The following LIMK2 variants were observed in gnomAD, a reference collection of about 807,000 sequenced individuals.
LIMK2 encodes the protein LIM domain kinase 2.
A neutral mutation model predicts 75.7 loss-of-function variants in LIMK2; 35 were observed. The observed-to-expected ratio is 0.46, with a 90% CI of 0.35 to 0.61. The LOEUF (loss-of-function observed/expected upper bound fraction) is 0.61. Among genes scored for constraint, LIMK2 ranks in the 20% least tolerant of loss-of-function variants. The pLI is 0.00. For synonymous variants in LIMK2, 301 were observed against 319.2 expected (o/e 0.94, Z 0.61); for missense variants, 623 against 831.0 (o/e 0.75, Z 3.08).
Position 31,250,512 on chromosome 22 carries a change from C to G in LIMK2, c.117-7779C>G, listed in dbSNP as rs190598049. On this transcript the variant is annotated intron_variant, in intron 2 of 15. Transcript: ENST00000331728. Reference sequence around the variant, plus strand: ...TCTGGAGAACCTGATCTTCTTGCCCCTACCCCCAAGCTCCGTTTGCCCAGC... The same window carrying G: ...TCTGGAGAACCTGATCTTCTTGCCCGTACCCCCAAGCTCCGTTTGCCCAGC... Among the ~76,000 whole-genome samples, 477 of 152,322 alleles carry G rather than the reference C, an allele frequency of 3.1e-3. 3 individuals are homozygous for G. Among genetic ancestry groups the G allele is most frequent in the Non-Finnish European group, 5.2e-3 (357 of 68,030 alleles).
intron 5 of LIMK2, 72 bp downstream of exon 5, chr22:31,260,149 C>T (rs2048824627): frequency 3.4e-5 from 43 of 1,256,640 alleles, no homozygotes; most frequent in Non-Finnish European, 4.3e-5. Flanking sequence ...AGGGCTTAGA[C>T]CTCCAAAGTC....
chr22:31,241,081 G>A (rs1472905947), intron 2 of LIMK2, among the ~76,000 whole-genome samples: 5 of 152,148 alleles, frequency 3.3e-5, no homozygotes, highest in Admixed American at 6.6e-5. Context: ...CAGAAACACT[G>A]GGGCTTGTTT....
chr22:31,278,167 A>G, intron 15 of LIMK2, 130 bp from the exon 16 acceptor site: 1 of 715,890 alleles, frequency 1.4e-6, no homozygotes, highest in Non-Finnish European at 2.4e-6. Flanking sequence ...TTTCTCACAG[A>G]GGCACTACTA....
rs2048768532 is a variant in LIMK2, at chr22:31,255,433, G to A, written c.117-2858G>A. Among the ~76,000 whole-genome samples the A allele has an allele frequency of 2.0e-5, 3 of 152,154 alleles. No individual in the cohort carries two copies. In the South Asian group the frequency reaches 6.2e-4, roughly 32 times the overall value. ...CTGAAGTTCCCCTTCCATAAGACAA[G>A]TAGGAAAAGCTATAGGGTAAAAATA... On this transcript the variant is annotated intron_variant, in intron 2 of 15. Transcript: ENST00000331728.
intron 1 of LIMK2, among the ~76,000 whole-genome samples, chr22:31,218,013 C>G (rs1459953646): frequency 1.3e-5 from 2 of 152,160 alleles, no homozygotes; most frequent in East Asian, 3.9e-4. Context: ...ACCTTCCCTT[C>G]AGATTTTAGA....
At chr22:31,273,534 C>CG in intron 14 of LIMK2, 27 bp downstream of exon 14, 10 of 1,604,960 alleles carry the variant, frequency 6.2e-6, no homozygotes, top group Non-Finnish European at 7.7e-6. Flanking sequence ...AGGCCATGCC[C>CG]GAGGCAGCAG....
At chr22:31,236,733 G>T (rs1185703980) in intron 2 of LIMK2, among the ~76,000 whole-genome samples, 1 of 150,972 alleles carries the variant, frequency 6.6e-6, no homozygotes, top group East Asian at 1.9e-4. Context: ...GGCCAACATG[G>T]TGAAACCCCA....
intron 7 of LIMK2, among the ~76,000 whole-genome samples, chr22:31,263,718 C>T (rs1328269942): frequency 6.6e-6 from 1 of 152,104 alleles, no homozygotes; most frequent in East Asian, 1.9e-4. Flanking sequence ...ATTAGATGGG[C>T]AGGGCACTGT....
At chr22:31,214,363 A>G (rs1468939007) in intron 1 of LIMK2, among the ~76,000 whole-genome samples, 1 of 152,208 alleles carries the variant, frequency 6.6e-6, no homozygotes, top group Non-Finnish European at 1.5e-5. Context: ...TAATAATCCT[A>G]GAGATGGACA....
intron 2 of LIMK2, among the ~76,000 whole-genome samples, chr22:31,254,826 G>A (rs1568994416): frequency 6.6e-6 from 1 of 152,154 alleles, no homozygotes; most frequent in Non-Finnish European, 1.5e-5. Context: ...GGGTGTGGTG[G>A]CATGCGCCAG....
At chr22:31,269,071 T>TC (rs1337493519) in intron 11 of LIMK2, among the ~76,000 whole-genome samples, 1 of 151,970 alleles carries the variant, frequency 6.6e-6, no homozygotes, top group East Asian at 1.9e-4. Flanking sequence ...TGTTTTTTTT[T>TC]CCTGTTTCTG....
At chr22:31,235,812 G>T (rs2048568785) in intron 2 of LIMK2, among the ~76,000 whole-genome samples, 1 of 152,158 alleles carries the variant, frequency 6.6e-6, no homozygotes, top group Non-Finnish European at 1.5e-5. Flanking sequence ...CCCCCAAGAA[G>T]TTGGAAATGA....
At chr22:31,277,137 G>C in intron 15 of LIMK2, 1 of 1,613,734 alleles carries the variant, frequency 6.2e-7, no homozygotes, top group Non-Finnish European at 8.5e-7. Context: ...CCCAGAAGAA[G>C]TGAGGGTCCC....
rs2048366470 is a variant in LIMK2 at position 31,213,629 on chromosome 22, G to A, written c.16+1205G>A. Reference sequence around the variant, plus strand: ...CCTAAAACAAATTTTTTTAGGCTGGGCGTGGTGGCTCATGCCTGTAATCCC... The same window carrying A: ...CCTAAAACAAATTTTTTTAGGCTGGACGTGGTGGCTCATGCCTGTAATCCC... On this transcript the variant is annotated intron_variant, in intron 1 of 15. Transcript: ENST00000331728. 3.3e-5 allele frequency among the ~76,000 whole-genome samples: 5 copies of A among 152,258 alleles called. No individual in the cohort carries two copies. In the South Asian group the frequency reaches 8.3e-4, roughly 25 times the overall value.
At chr22:31,215,893 T>A (rs2048385536) in intron 1 of LIMK2, among the ~76,000 whole-genome samples, 1 of 152,160 alleles carries the variant, frequency 6.6e-6, no homozygotes, top group African/African-American at 2.4e-5. Flanking sequence ...GAGGGAGAAT[T>A]CTCTTCAAAC....
At chr22:31,248,510 G>T in intron 2 of LIMK2, 1 of 1,561,642 alleles carries the variant, frequency 6.4e-7, no homozygotes, top group Non-Finnish European at 8.6e-7. Context: ...CCAGCCATGA[G>T]CCCCTGTGGG....
Position 31,258,342 on chromosome 22 carries a change from G to C in LIMK2, c.168G>C (p.Gly56=). 1 of 1,613,758 alleles carries C rather than the reference G, an allele frequency of 6.2e-7. No homozygotes were observed. The highest frequency in any genetic ancestry group is 1.1e-5 in the South Asian group (1 of 91,054). The change falls in exon 3 of 16, where the codon GGG becomes GGC. Residue 56 remains glycine (G), a synonymous_variant. Coordinates refer to ENST00000331728, the MANE Select transcript of LIMK2 (RefSeq NM_005569.4). ...SLTNWYYEKD[G]KLYCPKDYWG... ...CCAACTGGTACTATGAGAAGGATGG[G>C]AAGCTCTACTGCCCCAAGGACTACT...
intron 2 of LIMK2, among the ~76,000 whole-genome samples, chr22:31,234,977 C>A (rs920241297): frequency 6.6e-6 from 1 of 152,094 alleles, no homozygotes; most frequent in Non-Finnish European, 1.5e-5. Flanking sequence ...AGAAGTAATT[C>A]CTCACCCTGA....
intron 7 of LIMK2, among the ~76,000 whole-genome samples, chr22:31,265,623 T>C (rs937284123): frequency 6.6e-6 from 1 of 152,174 alleles, no homozygotes; most frequent in Admixed American, 6.5e-5. Context: ...CAAGCAGATA[T>C]GGGAGATGGT....
Sources: allele counts gnomAD v4.1 joint callset (sites outside exome capture counted in the v4.1 genomes callset), GRCh38; gene constraint gnomAD v4.1.1; transcripts MANE v1.5; gene names NCBI Gene and HGNC (gene_info 2026-07-23, HGNC 2026-07-21).